The following MYOM3 variants were observed in gnomAD, a reference collection of about 807,000 sequenced individuals.
The protein encoded by MYOM3 is myomesin-3.
MYOM3 carries 155 observed loss-of-function variants against 191.7 expected under a neutral mutation model. That is an observed-to-expected ratio of 0.81 (90% CI 0.71 to 0.92). The LOEUF is 0.92. Among genes scored for constraint, MYOM3 ranks in the 40% least tolerant of loss-of-function variants. The pLI is 0.00. For synonymous variants in MYOM3, 757 were observed against 762.9 expected (o/e 0.99, Z 0.13); for missense variants, 1,889 against 1,890.6 (o/e 1.00, Z 0.02).
At chr1:24,067,383 TCTTTTTCCTTCCTTCC>T (rs1643459608) in intron 27 of MYOM3, among the ~76,000 whole-genome samples, 1 of 105,604 alleles carries the variant, frequency 9.5e-6, no homozygotes, top group African/African-American at 3.9e-5. Flanking sequence ...CTTCTTTCTT[TCTTTTTCCTTCCTTCC>T]TTCCTTCCTT....
At chr1:24,080,867 G>A (rs6666676) in intron 19 of MYOM3, among the ~76,000 whole-genome samples, 57,917 of 151,622 alleles carry the variant, frequency 0.38, 11,584 homozygotes, top group Non-Finnish European at 0.43. Context: ...TGGGAGGTGA[G>A]GGGCTCATTT....
In MYOM3 at chr1:24,106,207, C is replaced by T. The variant is rs2148562263; in HGVS notation, c.403-130G>A. 3.7e-6 allele frequency: 4 copies of T among 1,086,546 alleles called. No homozygotes were observed. In the East Asian group the frequency reaches 1.1e-4, roughly 29 times the overall value. The allele number at this position is 1,086,546 out of a possible 1,614,324, so 67.3% of individuals were successfully genotyped here. On this transcript the variant is annotated intron_variant, in intron 4 of 36. Coordinates refer to ENST00000374434, the MANE Select transcript of MYOM3 (RefSeq NM_152372.4). ...ATGGGCTGGAGTTCCCGGTCCCCTC[C>T]CCTAGCTGAGCAGGGTGGCACTGTG...
At chr1:24,103,198 C>G (rs900882520) in intron 5 of MYOM3, among the ~76,000 whole-genome samples, 7 of 152,236 alleles carry the variant, frequency 4.6e-5, no homozygotes, top group African/African-American at 1.7e-4. Flanking sequence ...AGCTTGGCTG[C>G]GGGGAGGACA....
At chr1:24,107,623 C>CGG (rs889722899) in intron 3 of MYOM3, among the ~76,000 whole-genome samples, 1 of 152,180 alleles carries the variant, frequency 6.6e-6, no homozygotes, top group Non-Finnish European at 1.5e-5. Context: ...CTCTCCACGC[C>CGG]GGCACACTCA....
At chr1:24,105,894 A>T (rs1414813728) in intron 5 of MYOM3, 26 bp downstream of exon 5, 1 of 1,581,928 alleles carries the variant, frequency 6.3e-7, no homozygotes, top group African/African-American at 1.4e-5. Flanking sequence ...AGAGGCCCAG[A>T]ACCCCTTCCT....
intron 33 of MYOM3, 91 bp downstream of exon 33, chr1:24,061,855 G>A: frequency 2.8e-6 from 4 of 1,418,762 alleles, no homozygotes; most frequent in Non-Finnish European, 3.9e-6. Context: ...GCCTCCCAAA[G>A]TGCTGGGATT....
chr1:24,058,868 A>G (rs1180167636), intron 36 of MYOM3, 56 bp downstream of exon 36: 1 of 1,266,956 alleles, frequency 7.9e-7, no homozygotes, highest in Non-Finnish European at 1.1e-6. Flanking sequence ...TCTGTGGTGG[A>G]TGCACGAAGG....
In MYOM3 at chr1:24,107,979, C is replaced by T; in HGVS notation, c.242+14G>A. 1 of 1,610,042 alleles carries T rather than the reference C, an allele frequency of 6.2e-7. No individual in the cohort carries two copies. Among genetic ancestry groups the T allele is most frequent in the Non-Finnish European group, 8.5e-7 (1 of 1,178,160 alleles). On this transcript the variant is annotated intron_variant, in intron 3 of 36. Coordinates refer to ENST00000374434, the MANE Select transcript of MYOM3 (RefSeq NM_152372.4). The stretch of plus-strand genomic sequence containing the variant: ...TCCTCAGCCACGGCTCCCTGGGAAG[C>T]TTCTCTGACTCACCAAGACAGCTCG...
intron 11 of MYOM3, 108 bp downstream of exon 11, chr1:24,092,066 G>T (rs1643845681): frequency 1.8e-6 from 2 of 1,102,064 alleles, no homozygotes; most frequent in Non-Finnish European, 2.4e-6. Context: ...AGGAGCGGGG[G>T]TGTGAGGGTT....
intron 29 of MYOM3, among the ~76,000 whole-genome samples, chr1:24,065,048 G>A (rs1175549225): frequency 6.6e-6 from 1 of 152,158 alleles, no homozygotes; most frequent in Admixed American, 6.5e-5. Flanking sequence ...GCTGCTGTGG[G>A]GATCAAGGGA....
rs1051041355 is a variant in MYOM3, at chr1:24,089,775, A to G, written c.1487-110T>C. The G allele has an allele frequency of 5.3e-6, 7 of 1,317,932 alleles. No homozygotes were observed. The African/African-American group carries it at 7.4e-5, about 14-fold the overall frequency. The allele number at this position is 1,317,932 out of a possible 1,614,324, so 81.6% of individuals were successfully genotyped here. ...CTACACCCCTACCCATCCCCCAGAG[A>G]GGGGCAGTAGTTGGCTCCAGGTCAC... is the stretch of plus-strand genomic sequence containing the variant. On this transcript the variant is annotated intron_variant, in intron 13 of 36. Coordinates refer to ENST00000374434, the MANE Select transcript of MYOM3 (RefSeq NM_152372.4).
rs1295958236 is a variant in MYOM3 at position 24,057,613 on chromosome 1, A to C, written c.4065T>G (p.Thr1355=). The change falls in exon 37 of 37, where the codon ACT becomes ACG. Residue 1355 remains threonine, a synonymous_variant. Transcript: ENST00000374434. ...TIMEDKTLCL[T]CIVSGDPTPE... The stretch of plus-strand genomic sequence containing the variant: ...GGGTGGGGTCTCCTGAGACGATGCA[A>C]GTCAAGCACAGGGTCTGTTTGAAAA... 3 of 1,614,084 alleles carry C rather than the reference A, an allele frequency of 1.9e-6. No individual in the cohort carries two copies. The highest frequency in any genetic ancestry group is 1.7e-6 in the Non-Finnish European group (2 of 1,180,008).
chr1:24,103,194 G>A (rs141321740), intron 5 of MYOM3, among the ~76,000 whole-genome samples: 1 of 152,354 alleles, frequency 6.6e-6, no homozygotes, highest in African/African-American at 2.4e-5. Context: ...GCAGAGCTTG[G>A]CTGCGGGGAG....
At chr1:24,065,124 C>T (rs774286986) in intron 29 of MYOM3, among the ~76,000 whole-genome samples, 1 of 152,222 alleles carries the variant, frequency 6.6e-6, no homozygotes, top group Non-Finnish European at 1.5e-5. Flanking sequence ...AACTCTGTAA[C>T]TTTGAAGCAC....
Position 24,089,680 on chromosome 1 carries a change from A to T in MYOM3, c.1487-15T>A. On this transcript the variant is annotated splice_polypyrimidine_tract_variant and intron_variant, in intron 13 of 36. Coordinates refer to ENST00000374434, the MANE Select transcript of MYOM3 (RefSeq NM_152372.4). Reference sequence around the variant, plus strand: ...GGTCACAGTATCTGAAATCAGAGTCACCCGGGACCGAGATGGTTGGACCCT... The same window carrying T: ...GGTCACAGTATCTGAAATCAGAGTCTCCCGGGACCGAGATGGTTGGACCCT... 6.4e-7 allele frequency: 1 copy of T among 1,563,966 alleles called. No homozygotes were observed.
At chr1:24,068,426 C>T in intron 25 of MYOM3, 59 bp from the exon 26 acceptor site, 1 of 1,603,676 alleles carries the variant, frequency 6.2e-7, no homozygotes, top group African/African-American at 1.3e-5. Flanking sequence ...TTGTGGGGTA[C>T]ACATCAGAGT....
At chr1:24,086,947 A>G in intron 14 of MYOM3, 120 bp from the exon 15 acceptor site, 1 of 1,043,216 alleles carries the variant, frequency 9.6e-7, no homozygotes, top group Non-Finnish European at 1.4e-6. Context: ...TACTCAGCCC[A>G]GGCTGCCCCT....
At chr1:24,080,888 T>G (rs531793405) in intron 19 of MYOM3, among the ~76,000 whole-genome samples, 274 of 152,316 alleles carry the variant, frequency 1.8e-3, no homozygotes, top group African/African-American at 6.0e-3. Context: ...GTGAGAAGAC[T>G]TACTGGGTTA....
Position 24,057,035 on chromosome 1 carries a change from T to G in MYOM3, c.*329A>C. ...CTTTTGACATCTGGGGTCGGATAAT[T>G]CTATGTGGTGGGAGCTGCAGTGTTT... On this transcript the variant is annotated 3_prime_UTR_variant, in exon 37 of 37. Coordinates refer to ENST00000374434, the MANE Select transcript of MYOM3 (RefSeq NM_152372.4). 1 of 289,122 alleles carries G rather than the reference T, an allele frequency of 3.5e-6. No individual in the cohort carries two copies. The highest frequency in any genetic ancestry group is 2.2e-5 in the African/African-American group (1 of 46,390). 17.9% of individuals were successfully genotyped at this position (289,122 alleles called of 1,614,324 possible).
Sources: gnomAD v4.1 joint callset for allele counts (sites outside exome capture counted in the v4.1 genomes callset) on GRCh38, gnomAD v4.1.1 for gene constraint, MANE v1.5 for transcripts, NCBI Gene and HGNC (gene_info 2026-07-23, HGNC 2026-07-21) for gene names.